The following GMDS variants were observed in gnomAD, a reference collection of about 807,000 sequenced individuals.
The protein encoded by GMDS is GDP-mannose 4,6-dehydratase, also known as GDP-mannose 4,6 dehydratase.
GMDS carries 20 observed loss-of-function variants against 49.9 expected under a neutral mutation model. The ratio of observed to expected loss-of-function variants is 0.40; its 90% CI spans 0.28 to 0.58. The LOEUF is 0.58. GMDS is among the 20% of genes least tolerant of loss of function. The pLI, the probability that GMDS is intolerant of heterozygous loss-of-function variation, is 0.42. For missense variants in GMDS, 362 were observed against 481.4 expected (o/e 0.75, Z 2.32); for synonymous variants, 177 against 178.6 (o/e 0.99, Z 0.07).
At chr6:1,940,851 T>C (rs1762789628) in intron 6 of GMDS, among the ~76,000 whole-genome samples, 1 of 152,276 alleles carries the variant, frequency 6.6e-6, no homozygotes, top group Non-Finnish European at 1.5e-5. Context: ...TTGGTACTAT[T>C]GACATTTAAG....
intron 4 of GMDS, among the ~76,000 whole-genome samples, chr6:2,067,750 A>T (rs1482405508): frequency 4.0e-5 from 6 of 151,770 alleles, no homozygotes; most frequent in African/African-American, 9.7e-5. Flanking sequence ...CAATAACAGG[A>T]TCCGAAATTG....
At chr6:2,208,505 GAGTATTATATACA>G (rs1779910207) in intron 1 of GMDS, among the ~76,000 whole-genome samples, 1 of 152,168 alleles carries the variant, frequency 6.6e-6, no homozygotes, top group Admixed American at 6.5e-5. Context: ...GAAAATTGTA[GAGTATTATATACA>G]AGCTGTACAG....
At chr6:2,162,317 C>T (rs986752986) in intron 1 of GMDS, among the ~76,000 whole-genome samples, 2 of 152,100 alleles carry the variant, frequency 1.3e-5, no homozygotes, top group Non-Finnish European at 2.9e-5. Flanking sequence ...GCAATGGTGA[C>T]AAGGAACTGA....
chr6:1,631,615 A>G (rs921992989), intron 9 of GMDS, among the ~76,000 whole-genome samples: 7 of 151,894 alleles, frequency 4.6e-5, no homozygotes, highest in African/African-American at 1.7e-4. Flanking sequence ...CTCCAATTCA[A>G]CACACCTCAC....
intron 1 of GMDS, among the ~76,000 whole-genome samples, chr6:2,225,211 T>C (rs967052454): frequency 4.6e-5 from 7 of 150,794 alleles, no homozygotes; most frequent in Admixed American, 2.6e-4. Flanking sequence ...ACAACTGTGG[T>C]CCCAGCTACT....
At chr6:1,673,647 A>T (rs900126488) in intron 9 of GMDS, among the ~76,000 whole-genome samples, 4 of 152,054 alleles carry the variant, frequency 2.6e-5, no homozygotes, top group Non-Finnish European at 5.9e-5. Context: ...CACCATTACT[A>T]TATCATATAG....
intron 7 of GMDS, among the ~76,000 whole-genome samples, chr6:1,814,070 A>C (rs994405838): frequency 2.0e-5 from 3 of 152,196 alleles, no homozygotes; most frequent in African/African-American, 7.2e-5. Flanking sequence ...TTCCACTTTC[A>C]TTTCAGCAGA....
intron 7 of GMDS, among the ~76,000 whole-genome samples, chr6:1,745,244 A>G (rs1185955193): frequency 6.6e-6 from 1 of 152,232 alleles, no homozygotes; most frequent in East Asian, 1.9e-4. Context: ...AGTGGTCTCA[A>G]AAAAGTCCTA....
At chr6:2,159,300 A>T (rs1777265030) in intron 1 of GMDS, among the ~76,000 whole-genome samples, 1 of 152,098 alleles carries the variant, frequency 6.6e-6, no homozygotes, top group South Asian at 2.1e-4. Context: ...TTAACTGCTA[A>T]TTGCCTACTC....
chr6:2,040,610 G>A (rs1379037052), intron 4 of GMDS, among the ~76,000 whole-genome samples: 1 of 152,136 alleles, frequency 6.6e-6, no homozygotes, highest in Non-Finnish European at 1.5e-5. Context: ...GAGCTGTAGA[G>A]GACTTTATGA....
intron 4 of GMDS, among the ~76,000 whole-genome samples, chr6:2,075,580 A>G (rs1772286873): frequency 6.6e-6 from 1 of 152,256 alleles, no homozygotes; most frequent in East Asian, 1.9e-4. Context: ...TACAAAGGAC[A>G]TGAACTCATC....
chr6:2,116,518 T>C (rs1774857893), intron 3 of GMDS, among the ~76,000 whole-genome samples: 1 of 152,234 alleles, frequency 6.6e-6, no homozygotes, highest in Non-Finnish European at 1.5e-5. Flanking sequence ...CTACATCCAG[T>C]GGCAGGACTG....
chr6:2,155,892 C>T (rs1271365428), intron 1 of GMDS, among the ~76,000 whole-genome samples: 2 of 152,106 alleles, frequency 1.3e-5, no homozygotes, highest in Non-Finnish European at 2.9e-5. Context: ...GATACAACAG[C>T]CATGATTTGA....
At chr6:2,018,309 G>A (rs1234362904) in intron 4 of GMDS, among the ~76,000 whole-genome samples, 2 of 152,162 alleles carry the variant, frequency 1.3e-5, no homozygotes, top group Admixed American at 1.3e-4. Context: ...GTTATGTCAA[G>A]TTCTAGACAG....
chr6:1,757,441 T>C (rs1767990193), intron 7 of GMDS, among the ~76,000 whole-genome samples: 1 of 152,204 alleles, frequency 6.6e-6, no homozygotes, highest in African/African-American at 2.4e-5. Context: ...AGGAACAACA[T>C]AAAAGCTCTG....
intron 9 of GMDS, among the ~76,000 whole-genome samples, chr6:1,699,810 C>G (rs1346447231): frequency 6.6e-6 from 1 of 151,706 alleles, no homozygotes; most frequent in Admixed American, 6.6e-5. Flanking sequence ...ATGGGGACTT[C>G]CTTGGGGGTG....
At chr6:1,825,347 G>T (rs1404656512) in intron 7 of GMDS, among the ~76,000 whole-genome samples, 1 of 152,114 alleles carries the variant, frequency 6.6e-6, no homozygotes, top group Non-Finnish European at 1.5e-5. Flanking sequence ...CAAACCAAAT[G>T]CATTACAAAA....
At chr6:2,228,464 A>G (rs185858441) in intron 1 of GMDS, among the ~76,000 whole-genome samples, 19 of 152,258 alleles carry the variant, frequency 1.2e-4, no homozygotes, top group African/African-American at 4.3e-4. Flanking sequence ...AGAAAGAAAC[A>G]TTTCTCCCAT....
chr6:1,915,497 A>G (rs900900363), intron 7 of GMDS, among the ~76,000 whole-genome samples: 1 of 152,206 alleles, frequency 6.6e-6, no homozygotes, highest in Non-Finnish European at 1.5e-5. Context: ...CCGGAGGAGG[A>G]CGCTGGGGCC....
Sources: allele counts gnomAD v4.1 joint callset (sites outside exome capture counted in the v4.1 genomes callset), GRCh38; gene constraint gnomAD v4.1.1; transcripts MANE v1.5; gene names NCBI Gene and HGNC (gene_info 2026-07-23, HGNC 2026-07-21).